The following SLC10A7 variants were observed in gnomAD, a reference collection of about 807,000 sequenced individuals.
SLC10A7 encodes the protein sodium/bile acid cotransporter 7.
A neutral mutation model predicts 43.2 loss-of-function variants in SLC10A7; 29 were observed. The observed-to-expected ratio is 0.67, with a 90% CI of 0.50 to 0.92. SLC10A7 has a LOEUF of 0.92. Among genes scored for constraint, SLC10A7 ranks in the 40% least tolerant of loss-of-function variants. SLC10A7 has a pLI of 0.00. For synonymous variants in SLC10A7, 152 were observed against 144.8 expected (o/e 1.05, Z -0.35); for missense variants, 295 against 403.2 (o/e 0.73, Z 2.30).
At chr4:146,347,183 G>T (rs1001698333) in intron 5 of SLC10A7, among the ~76,000 whole-genome samples, 2 of 152,232 alleles carry the variant, frequency 1.3e-5, no homozygotes, top group East Asian at 3.9e-4. Flanking sequence ...TGTGTGAAAG[G>T]CCTGTAGACA....
chr4:146,398,570 T>G (rs187755399), intron 5 of SLC10A7, among the ~76,000 whole-genome samples: 2 of 152,306 alleles, frequency 1.3e-5, no homozygotes, highest in Non-Finnish European at 2.9e-5. Context: ...GTCCTCTAAT[T>G]TGACATAATA....
intron 5 of SLC10A7, among the ~76,000 whole-genome samples, chr4:146,331,942 G>A (rs1311906741): frequency 6.6e-6 from 1 of 152,156 alleles, no homozygotes; most frequent in African/African-American, 2.4e-5. Context: ...CAACAAAATG[G>A]TCAGGGTATA....
intron 10 of SLC10A7, among the ~76,000 whole-genome samples, chr4:146,268,531 G>C (rs930757390): frequency 2.6e-5 from 4 of 152,128 alleles, no homozygotes; most frequent in Non-Finnish European, 5.9e-5. Flanking sequence ...CAGATATTTT[G>C]GGTTTTCATT....
intron 5 of SLC10A7, among the ~76,000 whole-genome samples, chr4:146,378,876 T>C (rs1331443912): frequency 2.0e-5 from 3 of 151,424 alleles, no homozygotes; most frequent in East Asian, 3.8e-4. Flanking sequence ...GGAAGGCTGA[T>C]GATAGAAGAT....
intron 2 of SLC10A7, chr4:146,515,273 A>C (rs1737841118): frequency 1.1e-5 from 7 of 660,898 alleles, no homozygotes; most frequent in African/African-American, 3.6e-5. Context: ...TTGGGTTAGA[A>C]AGCAGTTCCA....
In SLC10A7 at chr4:146,441,887, A is replaced by G. The variant is rs374132440; in HGVS notation, c.435+896T>C. ...AAAAGCTTTAACTACATTTAAATAC[A>G]TACAATAATAATTAACAGAGCATTT... On this transcript the variant is annotated intron_variant, in intron 5 of 11. Coordinates refer to ENST00000335472, the MANE Select transcript of SLC10A7 (RefSeq NM_001029998.6). The G allele has an allele frequency of 6.4e-5, 63 of 982,928 alleles. No individual in the cohort carries two copies. The South Asian group carries it at 2.7e-3, about 43-fold the overall frequency. The allele number at this position is 982,928 out of a possible 1,614,324, so 60.9% of individuals were successfully genotyped here.
chr4:146,322,394 A>C (rs1004454866), intron 6 of SLC10A7, among the ~76,000 whole-genome samples: 1 of 88,526 alleles, frequency 1.1e-5, no homozygotes, highest in Admixed American at 1.8e-4. Context: ...AACAGGCCCC[A>C]GTGTGTGATG....
At chr4:146,392,286 T>C (rs1314727301) in intron 5 of SLC10A7, among the ~76,000 whole-genome samples, 1 of 152,196 alleles carries the variant, frequency 6.6e-6, no homozygotes, top group African/African-American at 2.4e-5. Flanking sequence ...CATTATACCA[T>C]ACAGACTAAA....
intron 5 of SLC10A7, among the ~76,000 whole-genome samples, chr4:146,346,233 C>T (rs1329394386): frequency 1.3e-5 from 2 of 152,088 alleles, no homozygotes; most frequent in African/African-American, 4.8e-5. Context: ...GGAATAAGTT[C>T]TGAAATTAAC....
intron 6 of SLC10A7, among the ~76,000 whole-genome samples, chr4:146,324,792 T>C (rs1252516299): frequency 6.6e-6 from 1 of 152,218 alleles, no homozygotes; most frequent in Non-Finnish European, 1.5e-5. Flanking sequence ...CTCTTTGGTT[T>C]CAATTTAACT....
intron 3 of SLC10A7, among the ~76,000 whole-genome samples, chr4:146,504,434 G>T (rs539708452): frequency 6.6e-6 from 1 of 151,338 alleles, no homozygotes; most frequent in Non-Finnish European, 1.5e-5. Flanking sequence ...CAGGAGAATG[G>T]TGTGAACCTG....
At chr4:146,395,857 A>G (rs2149810170) in intron 5 of SLC10A7, among the ~76,000 whole-genome samples, 1 of 152,196 alleles carries the variant, frequency 6.6e-6, no homozygotes, top group East Asian at 1.9e-4. Context: ...CATACATGTC[A>G]TTTGTTTTTC....
intron 3 of SLC10A7, among the ~76,000 whole-genome samples, chr4:146,507,879 T>G (rs1737068089): frequency 6.6e-6 from 1 of 152,240 alleles, no homozygotes; most frequent in African/African-American, 2.4e-5. Context: ...TTTCTCTAAG[T>G]GAATTACGGT....
rs11934204 is a variant in SLC10A7 at position 146,520,291 on chromosome 4, A to C, written c.100+1327T>G. Reference sequence around the variant, plus strand: ...GGGATAGGGGGTCTTCATTTGACAGACCTGATCTTCACAAGAGTTTCCCAA... The same window carrying C: ...GGGATAGGGGGTCTTCATTTGACAGCCCTGATCTTCACAAGAGTTTCCCAA... On this transcript the variant is annotated intron_variant, in intron 1 of 11. Coordinates refer to ENST00000335472, the MANE Select transcript of SLC10A7 (RefSeq NM_001029998.6). 2.0e-3 allele frequency among the ~76,000 whole-genome samples: 308 copies of C among 152,284 alleles called. 3 individuals are homozygous for C. The highest frequency in any genetic ancestry group is 7.1e-3 in the African/African-American group (294 of 41,534).
intron 5 of SLC10A7, among the ~76,000 whole-genome samples, chr4:146,430,662 A>T (rs746249099): frequency 6.6e-6 from 1 of 152,196 alleles, no homozygotes; most frequent in Non-Finnish European, 1.5e-5. Context: ...AAAGCTACTC[A>T]GGAAAAGTAA....
chr4:146,489,706 C>T (rs569472475), intron 4 of SLC10A7, among the ~76,000 whole-genome samples: 107 of 152,184 alleles, frequency 7.0e-4, no homozygotes, highest in Middle Eastern at 6.8e-3. Context: ...CTCTTTTTTT[C>T]CTTCCAGAAC....
At chr4:146,257,363 T>G (rs944251305) in intron 11 of SLC10A7, among the ~76,000 whole-genome samples, 1 of 152,198 alleles carries the variant, frequency 6.6e-6, no homozygotes, top group Non-Finnish European at 1.5e-5. Context: ...AGTGAACATG[T>G]TGGATGGGCT....
intron 5 of SLC10A7, among the ~76,000 whole-genome samples, chr4:146,365,244 C>A (rs1297006747): frequency 6.6e-6 from 1 of 152,120 alleles, no homozygotes; most frequent in Non-Finnish European, 1.5e-5. Context: ...AAAACACCAC[C>A]TTTTATTTAT....
chr4:146,454,369 A>C (rs79341855), intron 4 of SLC10A7, among the ~76,000 whole-genome samples: 3,214 of 151,854 alleles, frequency 0.021, 112 homozygotes, highest in African/African-American at 0.073. Context: ...TACTATGACA[A>C]TCCCTTTGTT....
Sources: gnomAD v4.1 joint callset for allele counts (sites outside exome capture counted in the v4.1 genomes callset) on GRCh38, gnomAD v4.1.1 for gene constraint, MANE v1.5 for transcripts, NCBI Gene and HGNC (gene_info 2026-07-23, HGNC 2026-07-21) for gene names.